The following ATM variants were observed in gnomAD, a reference collection of about 807,000 sequenced individuals.
ATM encodes the protein ATM serine/threonine kinase, also known as serine-protein kinase ATM.
Under a neutral mutation model 387.0 loss-of-function variants are expected in ATM, and 308 were observed. That is an observed-to-expected ratio of 0.80 (90% CI 0.73 to 0.87). The LOEUF is 0.87. ATM is among the 40% of genes least tolerant of loss of function. ATM has a pLI of 0.00. For synonymous variants in ATM, 1,156 were observed against 1,187.3 expected (o/e 0.97, Z 0.54); for missense variants, 3,312 against 3,560.9 (o/e 0.93, Z 1.78).
chr11:108,338,227 T>A (rs963687077), intron 56 of ATM, among the ~76,000 whole-genome samples: 3 of 152,060 alleles, frequency 2.0e-5, no homozygotes, highest in Non-Finnish European at 2.9e-5. Context: ...GGCACATGCC[T>A]CTAGTCTCAG....
At chr11:108,359,351 A>G (rs1223650601) in intron 61 of ATM, among the ~76,000 whole-genome samples, 1 of 152,124 alleles carries the variant, frequency 6.6e-6, no homozygotes, top group Admixed American at 6.5e-5. Context: ...ATAATGGGAG[A>G]CTTTAACACC....
intron 61 of ATM, chr11:108,355,527 G>A (rs941596548): frequency 6.5e-6 from 1 of 153,494 alleles, no homozygotes; most frequent in African/African-American, 2.4e-5. Context: ...TCTGGTAAGG[G>A]TATGTGAGAC....
intron 5 of ATM, among the ~76,000 whole-genome samples, chr11:108,237,948 ACAGAGT>A (rs1466540259): frequency 8.4e-6 from 1 of 118,520 alleles, no homozygotes; most frequent in Non-Finnish European, 1.6e-5. Context: ...TTTTTTTGAG[ACAGAGT>A]CTCCCTCTGT....
At chr11:108,350,405 G>T (rs909852811) in intron 59 of ATM, among the ~76,000 whole-genome samples, 1 of 152,166 alleles carries the variant, frequency 6.6e-6, no homozygotes, top group Admixed American at 6.5e-5. Flanking sequence ...TAAGAATAAG[G>T]GGTAGAAGGA....
At chr11:108,331,746 C>A in intron 51 of ATM, 133 bp from the exon 52 acceptor site, 1 of 1,282,574 alleles carries the variant, frequency 7.8e-7, no homozygotes, top group Non-Finnish European at 1.1e-6. Context: ...CTTTTTCTCA[C>A]ACATGCAGGC....
Position 108,257,468 on chromosome 11 carries a change from C to A in ATM, c.2251-13C>A, listed in dbSNP as rs1253767193. The A allele has an allele frequency of 6.2e-7, 1 of 1,611,676 alleles. No homozygotes were observed. The highest frequency in any genetic ancestry group is 2.2e-5 in the East Asian group (1 of 44,858). Reference sequence around the variant, plus strand: ...TTAACTGGAATTTGCATTTTTCCTTCTATTCACAATAGTCTCTAATGCAAT... The same window carrying A: ...TTAACTGGAATTTGCATTTTTCCTTATATTCACAATAGTCTCTAATGCAAT... On this transcript the variant is annotated splice_polypyrimidine_tract_variant and intron_variant, in intron 14 of 62. Transcript: ENST00000675843.
chr11:108,365,635 T>C lies in ATM; in HGVS notation c.*127T>C. 1 of 1,214,668 alleles carries C rather than the reference T, an allele frequency of 8.2e-7. No homozygotes were observed. Among genetic ancestry groups the C allele is most frequent in the South Asian group, 1.5e-5 (1 of 68,918 alleles). 75.2% of individuals were successfully genotyped at this position (1,214,668 alleles called of 1,614,324 possible). On this transcript the variant is annotated 3_prime_UTR_variant, in exon 63 of 63. Transcript: ENST00000675843. ...GTGAACTATTGTGGGTTTTTTTGAATGTTGGTTTTAATACTTGATTTAATC... is the reference window on the plus strand; with the variant it reads ...GTGAACTATTGTGGGTTTTTTTGAACGTTGGTTTTAATACTTGATTTAATC...
intron 15 of ATM, among the ~76,000 whole-genome samples, chr11:108,258,273 A>AG (rs2080632932): frequency 6.6e-6 from 1 of 152,250 alleles, no homozygotes; most frequent in South Asian, 2.1e-4. Flanking sequence ...AATAAGCAAT[A>AG]GGAATCTGAG....
In ATM at chr11:108,310,316, G is replaced by A. The variant is rs1591746871; in HGVS notation, c.5918+1G>A. 1.2e-6 allele frequency: 2 copies of A among 1,612,292 alleles called. No individual in the cohort carries two copies. The highest frequency in any genetic ancestry group is 1.7e-6 in the Non-Finnish European group (2 of 1,178,966). On this transcript the variant is annotated splice_donor_variant, in intron 39 of 62. Transcript: ENST00000675843. LOFTEE classifies it high-confidence loss of function. The stretch of plus-strand genomic sequence containing the variant: ...AAAGTATGGATGATCAAGAGAAAAG[G>A]TAATGGAATTTAGAATTTTTGGTTT...
At chr11:108,336,030 C>G in intron 56 of ATM, 69 bp downstream of exon 56, 1 of 1,201,220 alleles carries the variant, frequency 8.3e-7, no homozygotes. Flanking sequence ...GGTGAAGTGG[C>G]TCATGCCCAT....
chr11:108,245,232 C>T (rs1489074972), intron 7 of ATM, among the ~76,000 whole-genome samples: 1 of 151,934 alleles, frequency 6.6e-6, no homozygotes, highest in Non-Finnish European at 1.5e-5. Flanking sequence ...TCTATTTGTT[C>T]AATACAATAT....
chr11:108,315,269 G>T (rs1005665196), intron 40 of ATM, among the ~76,000 whole-genome samples: 5 of 152,200 alleles, frequency 3.3e-5, no homozygotes, highest in African/African-American at 1.2e-4. Context: ...AGTACAATAT[G>T]TACGATAGTT....
chr11:108,308,044 G>A (rs1253718273), intron 38 of ATM, 60 bp downstream of exon 38: 8 of 1,462,016 alleles, frequency 5.5e-6, no homozygotes, highest in Non-Finnish European at 6.7e-6. Flanking sequence ...GTTAACTATC[G>A]GCTGAATTTT....
Position 108,307,974 on chromosome 11 carries a change from A to C in ATM, c.5752A>C (p.Arg1918=). ...GCTTGCTGTTGTGGACTACATGAGA[A>C]GACAAAAGAGGTAATGTAATGAGTG... The part of the protein sequence containing the change: ...TMLAVVDYMR[R]QKRPSSGTIF... Residue 1918 remains arginine (R), a synonymous_variant, in exon 38 of 63, where the codon AGA becomes CGA. Transcript: ENST00000675843. 1.2e-6 allele frequency: 2 copies of C among 1,611,148 alleles called. No homozygotes were observed. Among genetic ancestry groups the C allele is most frequent in the South Asian group, 1.1e-5 (1 of 91,000 alleles).
chr11:108,279,382 T>A (rs2082105554), intron 22 of ATM, 109 bp from the exon 23 acceptor site: 11 of 798,900 alleles, frequency 1.4e-5, no homozygotes, highest in South Asian at 1.3e-4. Flanking sequence ...TATGTTATTA[T>A]GTCTCACAGA....
In ATM at chr11:108,265,609, C is replaced by T. The variant is rs1418472200; in HGVS notation, c.2467-1562C>T. 3.3e-5 allele frequency among the ~76,000 whole-genome samples: 5 copies of T among 150,142 alleles called. No homozygotes were observed. In the Admixed American group the frequency reaches 3.3e-4, roughly 10 times the overall value. ...ATGTCTAAAACACCAAAAGCAATGG[C>T]AACAAAAGACAGAATTGACAAATGG... On this transcript the variant is annotated intron_variant, in intron 16 of 62. Transcript: ENST00000675843.
At chr11:108,363,977 C>T (rs2091070510) in intron 61 of ATM, among the ~76,000 whole-genome samples, 1 of 152,088 alleles carries the variant, frequency 6.6e-6, no homozygotes, top group Admixed American at 6.6e-5. Flanking sequence ...AATCTAAAGC[C>T]ATGTCAGTGC....
At chr11:108,334,805 C>T (rs368704055) in intron 54 of ATM, among the ~76,000 whole-genome samples, 164 bp from the exon 55 acceptor site, 5 of 152,128 alleles carry the variant, frequency 3.3e-5, no homozygotes, top group African/African-American at 4.8e-5. Context: ...GTTAAAGTTA[C>T]GAGCGTGAGC....
At chr11:108,240,968 T>C (rs982838106) in intron 5 of ATM, among the ~76,000 whole-genome samples, 2 of 152,196 alleles carry the variant, frequency 1.3e-5, no homozygotes, top group African/African-American at 2.4e-5. Flanking sequence ...TGTACAGCTG[T>C]ACAAAAATAT....
Sources: allele counts gnomAD v4.1 joint callset (sites outside exome capture counted in the v4.1 genomes callset), GRCh38; gene constraint gnomAD v4.1.1; transcripts MANE v1.5; gene names NCBI Gene and HGNC (gene_info 2026-07-23, HGNC 2026-07-21).